NRG1: variants seen among roughly 807,000 people sequenced by gnomAD.
The protein encoded by NRG1 is neuregulin 1, also known as pro-neuregulin-1, membrane-bound isoform.
NRG1 carries 18 observed loss-of-function variants against 63.8 expected under a neutral mutation model. That is an observed-to-expected ratio of 0.28 (90% CI 0.19 to 0.42). NRG1 has a LOEUF of 0.42. Among genes scored for constraint, NRG1 ranks in the 10% least tolerant of loss-of-function variants. NRG1 has a pLI of 1.00. For synonymous variants in NRG1, 302 were observed against 301.3 expected (o/e 1.00, Z -0.02); for missense variants, 762 against 814.7 (o/e 0.94, Z 0.79).
At chr8:32,025,991 C>A (rs983571113) in intron 1 of NRG1, among the ~76,000 whole-genome samples, 1 of 150,800 alleles carries the variant, frequency 6.6e-6, no homozygotes, top group African/African-American at 2.4e-5. Flanking sequence ...GGTCTCAGGT[C>A]CTCTTTCCCT....
intron 1 of NRG1, among the ~76,000 whole-genome samples, chr8:31,717,197 A>G (rs1332044185): frequency 6.6e-6 from 1 of 152,144 alleles, no homozygotes; most frequent in Non-Finnish European, 1.5e-5. Context: ...ACTTGAGGTC[A>G]GGAGTTTGAG....
At chr8:32,701,077 C>T (rs1025614081) in intron 5 of NRG1, among the ~76,000 whole-genome samples, 1 of 152,138 alleles carries the variant, frequency 6.6e-6, no homozygotes, top group African/African-American at 2.4e-5. Context: ...CCCCTAGAAG[C>T]CTTTTGGAAC....
intron 1 of NRG1, among the ~76,000 whole-genome samples, chr8:32,567,345 T>C (rs141342417): frequency 6.6e-6 from 1 of 152,184 alleles, no homozygotes; most frequent in Non-Finnish European, 1.5e-5. Context: ...TTTGACAAGG[T>C]GTAAATCTCA....
intron 1 of NRG1, among the ~76,000 whole-genome samples, chr8:32,123,392 G>A (rs1833713904): frequency 6.6e-6 from 1 of 151,722 alleles, no homozygotes; most frequent in Non-Finnish European, 1.5e-5. Flanking sequence ...TCTCTTGCCT[G>A]CCACCATGTA....
intron 1 of NRG1, among the ~76,000 whole-genome samples, chr8:31,932,543 A>T (rs1375494144): frequency 6.6e-6 from 1 of 152,226 alleles, no homozygotes; most frequent in East Asian, 1.9e-4. Flanking sequence ...ACTTGTTAAA[A>T]GTCGTCAGGA....
At chr8:32,178,874 A>G (rs1841100640) in intron 1 of NRG1, among the ~76,000 whole-genome samples, 1 of 151,720 alleles carries the variant, frequency 6.6e-6, no homozygotes, top group African/African-American at 2.4e-5. Flanking sequence ...AACATATAAG[A>G]CTTCTTTCTG....
At chr8:32,463,674 T>C (rs569113325) in intron 1 of NRG1, among the ~76,000 whole-genome samples, 1 of 151,682 alleles carries the variant, frequency 6.6e-6, no homozygotes, top group South Asian at 2.1e-4. Flanking sequence ...AGACCTCATC[T>C]CTCTAAAAAA....
At chr8:31,647,298 A>G (rs546647041) in intron 1 of NRG1, among the ~76,000 whole-genome samples, 1 of 152,284 alleles carries the variant, frequency 6.6e-6, no homozygotes, top group Admixed American at 6.5e-5. Flanking sequence ...CTCTTTACTT[A>G]TTTTTCTTGT....
intron 1 of NRG1, among the ~76,000 whole-genome samples, chr8:32,373,103 A>C (rs1809140922): frequency 6.6e-6 from 1 of 152,182 alleles, no homozygotes; most frequent in Non-Finnish European, 1.5e-5. Context: ...TAGTGTGAGA[A>C]CTATTACTTG....
At chr8:31,876,780 A>T (rs1252556807) in intron 1 of NRG1, among the ~76,000 whole-genome samples, 4 of 152,172 alleles carry the variant, frequency 2.6e-5, no homozygotes, top group Admixed American at 2.6e-4. Flanking sequence ...TACCACATTG[A>T]TGATGCTAAA....
At chr8:32,283,434 TA>T (rs1853125669) in intron 1 of NRG1, among the ~76,000 whole-genome samples, 1 of 152,048 alleles carries the variant, frequency 6.6e-6, no homozygotes, top group African/African-American at 2.4e-5. Context: ...TTCATTAGGG[TA>T]AAGGTCAAGT....
At chr8:31,649,147 G>T (rs1804597158) in intron 1 of NRG1, among the ~76,000 whole-genome samples, 1 of 151,960 alleles carries the variant, frequency 6.6e-6, no homozygotes, top group Non-Finnish European at 1.5e-5. Flanking sequence ...TAAAAATGGG[G>T]TTTCACCATG....
At chr8:32,708,849 T>C (rs1671128318) in intron 5 of NRG1, among the ~76,000 whole-genome samples, 1 of 152,202 alleles carries the variant, frequency 6.6e-6, no homozygotes, top group Non-Finnish European at 1.5e-5. Context: ...CATATAACAG[T>C]GACTGCCTAT....
intron 7 of NRG1, among the ~76,000 whole-genome samples, chr8:32,748,339 G>GTGCGCA (rs1827914863): frequency 1.6e-5 from 2 of 128,356 alleles, no homozygotes; most frequent in African/African-American, 2.8e-5. Context: ...GCGCGCGCGC[G>GTGCGCA]CACACACACA....
At chr8:32,412,420 C>CATATATA (rs1815116027) in intron 1 of NRG1, among the ~76,000 whole-genome samples, 2 of 41,820 alleles carry the variant, frequency 4.8e-5, no homozygotes, top group Non-Finnish European at 1.1e-4. Context: ...CTCTCTCTCT[C>CATATATA]TACATATATA....
chr8:32,503,886 C>T lies in NRG1; in HGVS notation c.38-91942C>T, dbSNP rs78222118. 2.9e-3 allele frequency among the ~76,000 whole-genome samples: 443 copies of T among 152,224 alleles called. 4 individuals carry two copies. The highest frequency in any genetic ancestry group is 0.024 in the East Asian group (125 of 5,170). On this transcript the variant is annotated intron_variant, in intron 1 of 10. Coordinates refer to the NRG1 transcript ENST00000519301. The stretch of plus-strand genomic sequence containing the variant: ...TGACCTTCTGACTTGGGGTTTTATA[C>T]GCTGGCATGCTTCTGGGGTCTTGCA...
intron 7 of NRG1, chr8:32,749,492 C>A: frequency 1.4e-6 from 2 of 1,461,168 alleles, no homozygotes; most frequent in Non-Finnish European, 1.9e-6. Flanking sequence ...TTTTGGAGTG[C>A]AGTGTATTGC....
chr8:32,004,614 C>T (rs1813455729), intron 1 of NRG1, among the ~76,000 whole-genome samples: 2 of 151,862 alleles, frequency 1.3e-5, no homozygotes, highest in South Asian at 2.1e-4. Context: ...AAAAAAATTA[C>T]ACCCCAGAAA....
intron 1 of NRG1, among the ~76,000 whole-genome samples, chr8:31,689,135 C>G (rs929955015): frequency 2.6e-5 from 4 of 152,202 alleles, no homozygotes; most frequent in Admixed American, 2.0e-4. Context: ...CCCAGATAAT[C>G]CAGGATAATT....
Sources: gnomAD v4.1 joint callset for allele counts (sites outside exome capture counted in the v4.1 genomes callset) on GRCh38, gnomAD v4.1.1 for gene constraint, MANE v1.5 for transcripts, NCBI Gene and HGNC (gene_info 2026-07-23, HGNC 2026-07-21) for gene names.